The following NRP1 variants were observed in gnomAD, a reference collection of about 807,000 sequenced individuals.
NRP1 encodes the protein neuropilin-1.
Under a neutral mutation model 106.7 loss-of-function variants are expected in NRP1, and 35 were observed. The ratio of observed to expected loss-of-function variants is 0.33; its 90% CI spans 0.25 to 0.43. The LOEUF (loss-of-function observed/expected upper bound fraction) is 0.43, where lower values mean the gene tolerates loss of function less well. Ranked by LOEUF, NRP1 falls within the 20% of genes least tolerant of loss-of-function variation. NRP1 has a pLI of 1.00. For synonymous variants in NRP1, 437 were observed against 417.9 expected, an observed-to-expected ratio of 1.05 and a Z score of -0.56; for missense variants, 1,024 against 1,170.4, an observed-to-expected ratio of 0.87 and a Z score of 1.83.
In NRP1 at chr10:33,249,084, GTTTT is replaced by G. The variant is rs750905931; in HGVS notation, c.981+4940_981+4943del. ...ATCCCACCCAGGTATTATGTCTCTT[GTTTT>G]TTTTTTTTTTTTTTTTTTTTGTCTC... On this transcript the variant is annotated intron_variant, in intron 6 of 16. Transcript: ENST00000374867. Among the ~76,000 whole-genome samples, 6 of 72,202 alleles carry G rather than the reference GTTTT, an allele frequency of 8.3e-5. No homozygotes were observed. The East Asian group carries it at 1.9e-3, about 23-fold the overall frequency. 47.4% of individuals were successfully genotyped at this position (72,202 alleles called of 152,430 possible).
chr10:33,204,839 C>A (rs534037291), intron 10 of NRP1, among the ~76,000 whole-genome samples: 1 of 152,264 alleles, frequency 6.6e-6, no homozygotes, highest in Non-Finnish European at 1.5e-5. Context: ...TCAAGAGATT[C>A]TCCTGCCTCA....
At chr10:33,182,859 A>ACACACACACACG in intron 15 of NRP1, 111 bp from the exon 16 acceptor site, 2 of 758,754 alleles carry the variant, frequency 2.6e-6, no homozygotes, top group Non-Finnish European at 4.5e-6. Flanking sequence ...ACACACACAC[A>ACACACACACACG]CACGTGTCTA....
At chr10:33,326,589 C>T (rs575161652) in intron 2 of NRP1, among the ~76,000 whole-genome samples, 2 of 152,300 alleles carry the variant, frequency 1.3e-5, no homozygotes, top group East Asian at 3.9e-4. Flanking sequence ...TGCAGACAGA[C>T]GCTCCACTGG....
At chr10:33,211,351 A>G (rs890714263) in intron 9 of NRP1, 1 of 152,210 alleles carries the variant, frequency 6.6e-6, no homozygotes, top group Admixed American at 6.5e-5. Context: ...GCATATTCAC[A>G]CTTTCTGATG....
At chr10:33,320,094 C>A in intron 2 of NRP1, among the ~76,000 whole-genome samples, 1 of 151,662 alleles carries the variant, frequency 6.6e-6, no homozygotes, top group East Asian at 2.0e-4. Context: ...GGGCGGATCA[C>A]CTGAGGTCAG....
chr10:33,249,076 T>C (rs12781701), intron 6 of NRP1, among the ~76,000 whole-genome samples: 23,863 of 143,336 alleles, frequency 0.17, 2,426 homozygotes, highest in East Asian at 0.5. Flanking sequence ...CCAGGTATTA[T>C]GTCTCTTGTT....
Position 33,334,489 on chromosome 10 carries a change from A to G in NRP1, c.-107T>C, listed in dbSNP as rs1189233937. On this transcript the variant is annotated 5_prime_UTR_variant, in exon 1 of 17. Coordinates refer to ENST00000374867, the MANE Select transcript of NRP1 (RefSeq NM_003873.7). ...TCCGAAGAGCCCCAACTCCGCCTAG[A>G]GCTGTACAATCCTCAGCCCGTCTTG... 3 of 955,696 alleles carry G rather than the reference A, an allele frequency of 3.1e-6. No individual in the cohort carries two copies. In the African/African-American group the frequency reaches 5.0e-5, roughly 16 times the overall value. The allele number at this position is 955,696 out of a possible 1,614,324, so 59.2% of individuals were successfully genotyped here. A position where few individuals can be genotyped will look rare whatever the true frequency, so the allele number is the denominator to read the frequency against.
rs113014403 is a variant in NRP1 at position 33,255,559 on chromosome 10, A to G, written c.814+757T>C. On this transcript the variant is annotated intron_variant, in intron 5 of 16. Transcript: ENST00000374867. The stretch of plus-strand genomic sequence containing the variant: ...AGCCTTAAACTTTGAGGCTCAAGCA[A>G]TCTTCCCATAGCTTCCCAAGTAACT... Among the ~76,000 whole-genome samples, 32 of 152,106 alleles carry G rather than the reference A, an allele frequency of 2.1e-4. 1 individual carries two copies. The highest frequency in any genetic ancestry group is 1.3e-4 in the Admixed American group (2 of 15,262).
chr10:33,288,997 C>G (rs1281511898), intron 2 of NRP1, among the ~76,000 whole-genome samples: 1 of 152,034 alleles, frequency 6.6e-6, no homozygotes, highest in Non-Finnish European at 1.5e-5. Context: ...TATTGTTTCC[C>G]TGGGATTAAG....
chr10:33,201,096 A>T (rs571445320), intron 11 of NRP1: 60 of 152,312 alleles, frequency 3.9e-4, no homozygotes, highest in African/African-American at 1.3e-3. Context: ...TAATTGAAAC[A>T]CTGTAGGTAA....
At chr10:33,294,655 G>A (rs1845253301) in intron 2 of NRP1, among the ~76,000 whole-genome samples, 1 of 151,772 alleles carries the variant, frequency 6.6e-6, no homozygotes, top group Middle Eastern at 3.4e-3. Flanking sequence ...TAATAACTGT[G>A]CTAAGAGAGC....
chr10:33,181,222 T>A (rs1480731141), intron 16 of NRP1, among the ~76,000 whole-genome samples: 1 of 152,208 alleles, frequency 6.6e-6, no homozygotes, highest in Non-Finnish European at 1.5e-5. Flanking sequence ...TTAATGGTGT[T>A]CTGATCAACA....
intron 6 of NRP1, among the ~76,000 whole-genome samples, chr10:33,248,112 AC>A (rs1564420640): frequency 1.3e-5 from 2 of 152,282 alleles, no homozygotes; most frequent in East Asian, 3.9e-4. Context: ...ACATGGGATG[AC>A]ACGCCATCTC....
intron 2 of NRP1, among the ~76,000 whole-genome samples, chr10:33,312,562 G>T (rs1333648154): frequency 6.6e-6 from 1 of 152,192 alleles, no homozygotes; most frequent in Non-Finnish European, 1.5e-5. Flanking sequence ...AGTGTGATTT[G>T]CTTCTGAAAT....
intron 10 of NRP1, among the ~76,000 whole-genome samples, chr10:33,203,294 T>G (rs553935986): frequency 6.6e-6 from 1 of 152,222 alleles, no homozygotes; most frequent in Non-Finnish European, 1.5e-5. Flanking sequence ...GAATTCTCAC[T>G]GGTTATTTAT....
intron 4 of NRP1, among the ~76,000 whole-genome samples, chr10:33,260,030 T>G (rs1842468834): frequency 6.6e-6 from 1 of 151,430 alleles, no homozygotes; most frequent in Admixed American, 6.6e-5. Flanking sequence ...AATTTTTAAA[T>G]TTTTTTTTGT....
chr10:33,282,280 C>T lies in NRP1; in HGVS notation c.249-11424G>A, dbSNP rs538696013. Among the ~76,000 whole-genome samples, 5 of 152,272 alleles carry T rather than the reference C, an allele frequency of 3.3e-5. No individual in the cohort carries two copies. In the South Asian group the frequency reaches 1.0e-3, roughly 32 times the overall value. On this transcript the variant is annotated intron_variant, in intron 2 of 16. Coordinates refer to ENST00000374867, the MANE Select transcript of NRP1 (RefSeq NM_003873.7). The stretch of plus-strand genomic sequence containing the variant: ...TTGGTATGGTGGAGGCACTAGGGTG[C>T]AATTTCCAGTTCTGGAAAGGCAGTG...
chr10:33,263,964 T>C (rs1842754367), intron 3 of NRP1, 91 bp from the exon 4 acceptor site: 2 of 801,782 alleles, frequency 2.5e-6, no homozygotes, highest in Admixed American at 4.3e-5. Context: ...AACATCTTTC[T>C]AATAAAAGCC....
At chr10:33,271,587 G>A (rs747251461) in intron 2 of NRP1, among the ~76,000 whole-genome samples, 1 of 152,120 alleles carries the variant, frequency 6.6e-6, no homozygotes, top group Non-Finnish European at 1.5e-5. Context: ...AAGAAATCTC[G>A]TTGTTTGAGA....
Sources: gnomAD v4.1 joint callset for allele counts (sites outside exome capture counted in the v4.1 genomes callset) on GRCh38, gnomAD v4.1.1 for gene constraint, MANE v1.5 for transcripts, NCBI Gene and HGNC (gene_info 2026-07-23, HGNC 2026-07-21) for gene names.